Variants in SNX30 observed in about 807,000 individuals in gnomAD.
The protein encoded by SNX30 is sorting nexin-30.
Under a neutral mutation model 46.4 loss-of-function variants are expected in SNX30, and 24 were observed. The ratio of observed to expected loss-of-function variants is 0.52; its 90% confidence interval spans 0.37 to 0.73. The LOEUF is 0.73. Among genes scored for constraint, SNX30 ranks in the 30% least tolerant of loss-of-function variants. SNX30 has a pLI of 0.00. For synonymous variants in SNX30, 189 were observed against 211.5 expected (o/e 0.89, Z 0.92); for missense variants, 533 against 555.7 (o/e 0.96, Z 0.41).
intron 1 of SNX30, among the ~76,000 whole-genome samples, chr9:112,782,219 A>T (rs527450473): frequency 6.6e-6 from 1 of 152,018 alleles, no homozygotes; most frequent in East Asian, 2.0e-4. Flanking sequence ...GGCATGTGCC[A>T]CCATGCCTGT....
chr9:112,845,502 A>G (rs1044923557), intron 6 of SNX30, among the ~76,000 whole-genome samples: 1 of 152,132 alleles, frequency 6.6e-6, no homozygotes, highest in African/African-American at 2.4e-5. Flanking sequence ...TTCCTTCTCC[A>G]CTTTGGCAGA....
chr9:112,813,602 T>C (rs1184799039), intron 2 of SNX30, among the ~76,000 whole-genome samples: 1 of 151,644 alleles, frequency 6.6e-6, no homozygotes, highest in Non-Finnish European at 1.5e-5. Flanking sequence ...CAGAGTACAG[T>C]AGCTGAGACT....
intron 6 of SNX30, among the ~76,000 whole-genome samples, chr9:112,839,810 A>G (rs888011245): frequency 6.6e-6 from 1 of 152,374 alleles, no homozygotes; most frequent in Admixed American, 6.5e-5. Flanking sequence ...GACTGACCTG[A>G]ATTCCAGAGA....
chr9:112,764,219 A>G (rs1057254934), intron 1 of SNX30, among the ~76,000 whole-genome samples: 2 of 152,240 alleles, frequency 1.3e-5, no homozygotes, highest in Admixed American at 6.5e-5. Context: ...GAACCAGCAC[A>G]TACTAAAGCT....
At chr9:112,755,830 G>A (rs1839339772) in intron 1 of SNX30, among the ~76,000 whole-genome samples, 2 of 151,950 alleles carry the variant, frequency 1.3e-5, no homozygotes, top group Admixed American at 1.3e-4. Flanking sequence ...TGCCAGTGAA[G>A]GGATATGTTC....
chr9:112,758,872 T>C (rs552879829), intron 1 of SNX30, among the ~76,000 whole-genome samples: 17 of 146,728 alleles, frequency 1.2e-4, no homozygotes, highest in Middle Eastern at 3.4e-3. Flanking sequence ...CACACACACA[T>C]ACACACACAA....
intron 1 of SNX30, among the ~76,000 whole-genome samples, chr9:112,766,776 A>G (rs1487600067): frequency 6.6e-6 from 1 of 152,200 alleles, no homozygotes; most frequent in Non-Finnish European, 1.5e-5. Flanking sequence ...TCCATGCTGT[A>G]GCATGTGACA....
chr9:112,813,786 TAAA>T (rs35257014), intron 2 of SNX30, among the ~76,000 whole-genome samples: 2 of 141,732 alleles, frequency 1.4e-5, no homozygotes, highest in Non-Finnish European at 3.1e-5. Flanking sequence ...TATCTAAATT[TAAA>T]AAAAAAAAAA....
At chr9:112,813,725 C>T (rs1403856490) in intron 2 of SNX30, among the ~76,000 whole-genome samples, 5 of 151,448 alleles carry the variant, frequency 3.3e-5, no homozygotes, top group African/African-American at 9.7e-5. Context: ...CCGCCTGCCT[C>T]GGCCTCCCGA....
intron 2 of SNX30, 92 bp from the exon 3 acceptor site, chr9:112,817,613 C>A: frequency 1.4e-6 from 1 of 729,738 alleles, no homozygotes; most frequent in Non-Finnish European, 2.4e-6. Context: ...ATGATCTTGC[C>A]TAGTTTGGTT....
At chr9:112,831,228 G>C (rs534353893) in intron 4 of SNX30, among the ~76,000 whole-genome samples, 5 of 151,766 alleles carry the variant, frequency 3.3e-5, no homozygotes, top group Admixed American at 3.3e-4. Context: ...TCATAAAATT[G>C]GTCTTTTTTT....
chr9:112,815,536 T>G (rs1840383468), intron 2 of SNX30, among the ~76,000 whole-genome samples: 1 of 152,136 alleles, frequency 6.6e-6, no homozygotes, highest in African/African-American at 2.4e-5. Context: ...AATTTTTGTA[T>G]TTTTAATAGA....
chr9:112,883,895 C>T (rs1841613752), downstream of SNX30, among the ~76,000 whole-genome samples: 2 of 152,092 alleles, frequency 1.3e-5, no homozygotes, highest in Non-Finnish European at 2.9e-5. Context: ...CATGGTTTCA[C>T]TATGTTGGCC....
chr9:112,838,593 T>C lies in SNX30; in HGVS notation c.910T>C (p.Cys304Arg). ...LAEPLEGVSA[C>R]IGNCSTALEE... ...TGAACCCCTGGAGGGTGTGTCAGCT[T>C]GCATTGGGAACTGCTCTACAGCCTT... Residue 304 changes from cysteine to arginine, a missense_variant, in exon 6 of 9, where the codon TGC (cysteine) becomes CGC (arginine). Cys to Arg is a radical substitution (Grantham distance 180). Around this residue, in one of 3 missense-constraint regions of SNX30, gnomAD observed 261 missense variants for 270.9 expected, o/e 0.96. Transcript: ENST00000374232. 6 of 1,614,222 alleles carry C rather than the reference T, an allele frequency of 3.7e-6. No individual in the cohort carries two copies. Among genetic ancestry groups the C allele is most frequent in the Middle Eastern group, 1.6e-4 (1 of 6,062 alleles).
At chr9:112,791,201 T>A (rs954132854) in intron 1 of SNX30, among the ~76,000 whole-genome samples, 4 of 152,138 alleles carry the variant, frequency 2.6e-5, no homozygotes, top group African/African-American at 9.6e-5. Flanking sequence ...TTAAGCTGGC[T>A]CTCCCTGTTC....
intron 1 of SNX30, among the ~76,000 whole-genome samples, chr9:112,757,255 C>T (rs1321232454): frequency 6.6e-6 from 1 of 152,186 alleles, no homozygotes; most frequent in Non-Finnish European, 1.5e-5. Context: ...GTTTTTCTTT[C>T]TGTGTCCGGC....
intron 1 of SNX30, among the ~76,000 whole-genome samples, chr9:112,779,757 G>C: frequency 6.6e-6 from 1 of 152,176 alleles, no homozygotes; most frequent in East Asian, 1.9e-4. Flanking sequence ...TGAGGGAAGG[G>C]AGCTGGTGTT....
chr9:112,795,951 T>G (rs1443275525), intron 1 of SNX30, among the ~76,000 whole-genome samples: 1 of 151,730 alleles, frequency 6.6e-6, no homozygotes, highest in African/African-American at 2.4e-5. Context: ...TACCAGGGAG[T>G]GGGTCAAGGA....
intron 4 of SNX30, among the ~76,000 whole-genome samples, chr9:112,833,122 T>C (rs1031453146): frequency 3.3e-5 from 5 of 152,160 alleles, no homozygotes; most frequent in Non-Finnish European, 7.3e-5. Context: ...ATATTTAAAT[T>C]AGTTATGCAG....
Sources: allele counts gnomAD v4.1 joint callset (sites outside exome capture counted in the v4.1 genomes callset), GRCh38; gene constraint gnomAD v4.1.1; regional missense constraint gnomAD v4.1.1; transcripts MANE v1.5; gene names NCBI Gene and HGNC (gene_info 2026-07-23, HGNC 2026-07-21).